The following CAMK2D variants were observed in gnomAD, a reference collection of about 807,000 sequenced individuals.
CAMK2D encodes the protein calcium/calmodulin-dependent protein kinase type II subunit delta.
Under a neutral mutation model 84.0 loss-of-function variants are expected in CAMK2D, and 37 were observed. The observed-to-expected ratio is 0.44, with a 90% CI of 0.34 to 0.58. The LOEUF (loss-of-function observed/expected upper bound fraction) is 0.58, where lower values mean the gene tolerates loss of function less well. CAMK2D is among the 20% of genes least tolerant of loss of function. The pLI is 0.02. For missense variants in CAMK2D, 448 were observed against 652.5 expected (o/e 0.69, Z 3.41); for synonymous variants, 202 against 212.5 (o/e 0.95, Z 0.43).
At chr4:113,533,208 C>T (rs1340092133) in intron 7 of CAMK2D, among the ~76,000 whole-genome samples, 1 of 152,098 alleles carries the variant, frequency 6.6e-6, no homozygotes, top group Non-Finnish European at 1.5e-5. Context: ...AGAATACCAG[C>T]ATGCTCATTC....
chr4:113,669,095 T>C (rs1378009556), intron 2 of CAMK2D, among the ~76,000 whole-genome samples: 1 of 152,202 alleles, frequency 6.6e-6, no homozygotes, highest in Non-Finnish European at 1.5e-5. Flanking sequence ...TAACATTATA[T>C]ATGTTATTTA....
intron 2 of CAMK2D, among the ~76,000 whole-genome samples, chr4:113,669,486 G>A (rs1324133376): frequency 6.6e-6 from 1 of 152,084 alleles, no homozygotes; most frequent in African/African-American, 2.4e-5. Context: ...AGGAGGTATA[G>A]TATTGAATGG....
chr4:113,678,571 A>G (rs747128856), intron 2 of CAMK2D, among the ~76,000 whole-genome samples: 9 of 152,112 alleles, frequency 5.9e-5, no homozygotes, highest in Non-Finnish European at 4.4e-5. Flanking sequence ...TAGGGTAATT[A>G]GCATATCCAT....
chr4:113,663,616 A>ATAATAATAT (rs1474880302), intron 2 of CAMK2D, among the ~76,000 whole-genome samples: 9 of 149,808 alleles, frequency 6.0e-5, no homozygotes, highest in Admixed American at 6.7e-5. Context: ...AATAATAATA[A>ATAATAATAT]TAATAAAGTA....
intron 16 of CAMK2D, among the ~76,000 whole-genome samples, chr4:113,488,382 T>A (rs2097786545): frequency 6.6e-6 from 1 of 152,186 alleles, no homozygotes; most frequent in African/African-American, 2.4e-5. Flanking sequence ...TGCTGGAGGT[T>A]GCAATTTTTT....
At chr4:113,572,220 T>A (rs1287092574) in intron 4 of CAMK2D, among the ~76,000 whole-genome samples, 1 of 152,090 alleles carries the variant, frequency 6.6e-6, no homozygotes, top group African/African-American at 2.4e-5. Flanking sequence ...TACATAAGAA[T>A]TGTGTTGATA....
rs778764134 is a variant in CAMK2D, at chr4:113,761,096, G to C, written c.-28C>G. 3.0e-5 allele frequency: 48 copies of C among 1,613,524 alleles called. No homozygotes were observed. The highest frequency in any genetic ancestry group is 3.7e-5 in the Non-Finnish European group (44 of 1,179,996). On this transcript the variant is annotated 5_prime_UTR_variant, in exon 1 of 21. Transcript: ENST00000511664. Reference sequence around the variant, plus strand: ...TCGGTCCGGGCTGTGCCCTGGCTGGGAGCGCGACGGACCAGAAGCGAGCAG... The same window carrying C: ...TCGGTCCGGGCTGTGCCCTGGCTGGCAGCGCGACGGACCAGAAGCGAGCAG...
intron 2 of CAMK2D, among the ~76,000 whole-genome samples, chr4:113,684,471 C>A (rs1205103672): frequency 2.6e-5 from 4 of 152,106 alleles, no homozygotes; most frequent in Non-Finnish European, 5.9e-5. Context: ...ATTATAATTT[C>A]AAATTTAGTA....
At chr4:113,471,231 A>T (rs1168135140) in intron 16 of CAMK2D, among the ~76,000 whole-genome samples, 1 of 151,968 alleles carries the variant, frequency 6.6e-6, no homozygotes, top group Admixed American at 6.6e-5. Flanking sequence ...TCCTCCATGG[A>T]TCATTCTTTT....
intron 13 of CAMK2D, among the ~76,000 whole-genome samples, chr4:113,506,924 C>T (rs2098135756): frequency 6.6e-6 from 1 of 151,254 alleles, no homozygotes; most frequent in Admixed American, 6.6e-5. Context: ...TACACACATT[C>T]ACACACAGAT....
At position 113,539,154 on chromosome 4, in the gene CAMK2D, C is replaced by A. The variant is rs536562984; in HGVS notation, c.415-1711G>T. ...TATTTTTGCAATGAAAATTTATGGT[C>A]TACCACATTCATGCATTTCCTAATC... On this transcript the variant is annotated intron_variant, in intron 6 of 20. Coordinates refer to ENST00000511664, the MANE Select transcript of CAMK2D (RefSeq NM_001321571.2). Among the ~76,000 whole-genome samples the A allele has an allele frequency of 3.9e-5, 6 of 152,276 alleles. No homozygotes were observed. The South Asian group carries it at 8.3e-4, about 21-fold the overall frequency.
intron 2 of CAMK2D, among the ~76,000 whole-genome samples, chr4:113,699,377 G>A (rs2099411735): frequency 6.6e-6 from 1 of 152,014 alleles, no homozygotes; most frequent in South Asian, 2.1e-4. Context: ...ACATATTTAA[G>A]TGCTATTGAT....
At chr4:113,623,541 T>C (rs1007798713) in intron 3 of CAMK2D, among the ~76,000 whole-genome samples, 10 of 152,146 alleles carry the variant, frequency 6.6e-5, no homozygotes, top group African/African-American at 2.4e-4. Context: ...ACTACACACC[T>C]AGCCTATATG....
At chr4:113,609,867 A>T (rs1328301334) in intron 3 of CAMK2D, among the ~76,000 whole-genome samples, 2 of 152,138 alleles carry the variant, frequency 1.3e-5, no homozygotes, top group Non-Finnish European at 2.9e-5. Flanking sequence ...ATAATTTACT[A>T]GTTTCTCAAA....
chr4:113,604,454 TG>T (rs1561296792), intron 4 of CAMK2D, among the ~76,000 whole-genome samples: 2 of 152,338 alleles, frequency 1.3e-5, no homozygotes, highest in South Asian at 4.1e-4. Context: ...TTTATTGGAT[TG>T]TGTTTAGTTT....
rs191139118 is a variant in CAMK2D at position 113,648,106 on chromosome 4, G to T, written c.220+13607C>A. On this transcript the variant is annotated intron_variant, in intron 3 of 20. Transcript: ENST00000511664. ...TTATAGTCTTCCTACTTTTCTAAGA[G>T]TATAAATTGATATAACCCTATTTAA... 2.6e-4 allele frequency among the ~76,000 whole-genome samples: 40 copies of T among 152,216 alleles called. No homozygotes were observed. The East Asian group carries it at 7.5e-3, about 29-fold the overall frequency.
chr4:113,559,239 T>C (rs997567022), intron 4 of CAMK2D, among the ~76,000 whole-genome samples: 3 of 152,218 alleles, frequency 2.0e-5, no homozygotes, highest in Non-Finnish European at 4.4e-5. Flanking sequence ...AGAGGAATTA[T>C]GTATTAACTA....
At chr4:113,713,838 A>G (rs1311238358) in intron 2 of CAMK2D, among the ~76,000 whole-genome samples, 1 of 151,124 alleles carries the variant, frequency 6.6e-6, no homozygotes, top group Non-Finnish European at 1.5e-5. Context: ...TGTGGCTTAC[A>G]TATTTACATG....
At chr4:113,631,135 G>T (rs1209810803) in intron 3 of CAMK2D, among the ~76,000 whole-genome samples, 1 of 152,140 alleles carries the variant, frequency 6.6e-6, no homozygotes, top group Admixed American at 6.6e-5. Context: ...TAAAGTCTGT[G>T]ATGGTCTTTT....
Sources: allele counts gnomAD v4.1 joint callset (sites outside exome capture counted in the v4.1 genomes callset), GRCh38; gene constraint gnomAD v4.1.1; transcripts MANE v1.5; gene names NCBI Gene and HGNC (gene_info 2026-07-23, HGNC 2026-07-21).